The following GRIN3A variants were observed in gnomAD, a reference collection of about 807,000 sequenced individuals.
GRIN3A encodes the protein glutamate receptor ionotropic, NMDA 3A.
Under a neutral mutation model 92.4 loss-of-function variants are expected in GRIN3A, and 47 were observed. That is an observed-to-expected ratio of 0.51 (90% confidence interval 0.40 to 0.65). The LOEUF (loss-of-function observed/expected upper bound fraction) is 0.65, where lower values mean the gene tolerates loss of function less well. GRIN3A is among the 30% of genes least tolerant of loss of function. GRIN3A has a pLI of 0.00. For missense variants in GRIN3A, 1,324 were observed against 1,393.1 expected (o/e 0.95, Z 0.79); for synonymous variants, 527 against 540.6 (o/e 0.97, Z 0.35).
At chr9:101,598,332 T>C (rs1828166464) in intron 6 of GRIN3A, among the ~76,000 whole-genome samples, 2 of 152,158 alleles carry the variant, frequency 1.3e-5, no homozygotes, top group South Asian at 4.1e-4. Flanking sequence ...AGCACAGAGC[T>C]AGACAGTTTA....
intron 1 of GRIN3A, among the ~76,000 whole-genome samples, chr9:101,721,292 T>C (rs571272992): frequency 7.6e-4 from 116 of 152,326 alleles, no homozygotes; most frequent in Non-Finnish European, 1.2e-3. Flanking sequence ...TCTGCCACCA[T>C]GTAAGAAGTG....
intron 1 of GRIN3A, among the ~76,000 whole-genome samples, chr9:101,720,235 T>A (rs922227559): frequency 1.3e-5 from 2 of 152,222 alleles, no homozygotes; most frequent in South Asian, 4.1e-4. Context: ...TATGTTTTCC[T>A]GAAGATGTTT....
At chr9:101,588,612 T>C (rs1827979564) in intron 6 of GRIN3A, among the ~76,000 whole-genome samples, 1 of 152,192 alleles carries the variant, frequency 6.6e-6, no homozygotes, top group Non-Finnish European at 1.5e-5. Context: ...TTTTAAAAAC[T>C]AAATGTGAGA....
At chr9:101,637,480 A>G (rs1277714576) in intron 3 of GRIN3A, among the ~76,000 whole-genome samples, 1 of 152,214 alleles carries the variant, frequency 6.6e-6, no homozygotes, top group Non-Finnish European at 1.5e-5. Flanking sequence ...AGAGAAAACA[A>G]TGGTTAACTG....
chr9:101,681,411 A>G (rs1829464316), intron 2 of GRIN3A, among the ~76,000 whole-genome samples: 1 of 152,210 alleles, frequency 6.6e-6, no homozygotes, highest in Non-Finnish European at 1.5e-5. Flanking sequence ...TAAAATGCAA[A>G]TGCCTTAGCT....
At chr9:101,630,644 G>A (rs1828698750) in intron 3 of GRIN3A, among the ~76,000 whole-genome samples, 1 of 152,100 alleles carries the variant, frequency 6.6e-6, no homozygotes, top group Admixed American at 6.6e-5. Flanking sequence ...CCCTCTGTCT[G>A]GATTTGCTAC....
intron 3 of GRIN3A, among the ~76,000 whole-genome samples, chr9:101,635,948 G>A (rs943640266): frequency 6.6e-6 from 1 of 152,142 alleles, no homozygotes; most frequent in East Asian, 1.9e-4. Context: ...TGGAGTGCAC[G>A]ATCTCAGCTC....
At chr9:101,623,805 T>C (rs967198005) in intron 4 of GRIN3A, among the ~76,000 whole-genome samples, 1 of 152,234 alleles carries the variant, frequency 6.6e-6, no homozygotes, top group Non-Finnish European at 1.5e-5. Flanking sequence ...TTGTTCTCTA[T>C]ACCTTTTATC....
At chr9:101,698,129 T>C (rs1829705730) in intron 1 of GRIN3A, among the ~76,000 whole-genome samples, 1 of 152,198 alleles carries the variant, frequency 6.6e-6, no homozygotes. Context: ...CTAATATAGT[T>C]AATGCAAAAA....
At chr9:101,592,251 A>C (rs138448919) in intron 6 of GRIN3A, 1 of 152,180 alleles carries the variant, frequency 6.6e-6, no homozygotes, top group South Asian at 2.1e-4. Flanking sequence ...TGTCCAGTTA[A>C]TTTTAGAGTG....
intron 3 of GRIN3A, among the ~76,000 whole-genome samples, chr9:101,634,951 C>A (rs1350468449): frequency 6.6e-6 from 1 of 152,132 alleles, no homozygotes; most frequent in African/African-American, 2.4e-5. Flanking sequence ...TACAGAAAAA[C>A]AATGCCAAAA....
At chr9:101,632,520 A>T (rs932955468) in intron 3 of GRIN3A, among the ~76,000 whole-genome samples, 5 of 152,210 alleles carry the variant, frequency 3.3e-5, no homozygotes, top group Non-Finnish European at 7.3e-5. Flanking sequence ...AGAATGAATG[A>T]AATTCTCTTA....
chr9:101,604,124 C>T (rs542693945), intron 6 of GRIN3A, among the ~76,000 whole-genome samples: 3 of 149,760 alleles, frequency 2.0e-5, no homozygotes, highest in Non-Finnish European at 4.4e-5. Context: ...GAATTCAACA[C>T]GTTTGCTAAT....
intron 3 of GRIN3A, among the ~76,000 whole-genome samples, chr9:101,648,343 A>T (rs1354459111): frequency 2.0e-5 from 3 of 151,932 alleles, no homozygotes; most frequent in Non-Finnish European, 2.9e-5. Context: ...TATGATTTTG[A>T]TTTCTAAAAT....
intron 3 of GRIN3A, among the ~76,000 whole-genome samples, chr9:101,647,091 T>C (rs996822340): frequency 7.9e-5 from 12 of 151,860 alleles, no homozygotes; most frequent in Admixed American, 3.3e-4. Context: ...CAGTAAGGGG[T>C]TTCAGTCTTT....
chr9:101,687,374 A>T (rs1208061950), intron 1 of GRIN3A, among the ~76,000 whole-genome samples, 174 bp from the exon 2 acceptor site: 1 of 152,160 alleles, frequency 6.6e-6, no homozygotes, highest in African/African-American at 2.4e-5. Context: ...GGAACTATTG[A>T]TTCCTAACAA....
At position 101,669,129 on chromosome 9, in the gene GRIN3A, CA is replaced by C. The variant is rs367690519; in HGVS notation, c.2352+930del. On this transcript the variant is annotated intron_variant, in intron 3 of 8. Transcript: ENST00000361820. ...GTATCCTACATGTTGGAATGCACTG[CA>C]GCTTCAGATCTGCACTCTGTTTCCC... Among the ~76,000 whole-genome samples, 162 of 152,218 alleles carry C rather than the reference CA, an allele frequency of 1.1e-3. 1 individual carries two copies. The highest frequency in any genetic ancestry group is 3.8e-3 in the African/African-American group (157 of 41,546).
chr9:101,680,631 C>G (rs1425362459), intron 2 of GRIN3A, among the ~76,000 whole-genome samples: 1 of 152,090 alleles, frequency 6.6e-6, no homozygotes, highest in African/African-American at 2.4e-5. Flanking sequence ...ACCAAACAGC[C>G]AGGTCAAGGA....
chr9:101,655,147 G>A (rs1031325834), intron 3 of GRIN3A, among the ~76,000 whole-genome samples: 2 of 151,856 alleles, frequency 1.3e-5, no homozygotes. Flanking sequence ...TTTTGCCCAT[G>A]GGGAGCTATA....
Sources: allele counts gnomAD v4.1 joint callset (sites outside exome capture counted in the v4.1 genomes callset), GRCh38; gene constraint gnomAD v4.1.1; transcripts MANE v1.5; gene names NCBI Gene and HGNC (gene_info 2026-07-23, HGNC 2026-07-21).